Variants in DAP observed in about 807,000 individuals in gnomAD.
The protein encoded by DAP is death associated protein.
A neutral mutation model predicts 13.8 loss-of-function variants in DAP; 8 were observed. That is an observed-to-expected ratio of 0.58 (90% CI 0.34 to 1.05). DAP has a LOEUF of 1.05. Among genes scored for constraint, DAP ranks in the 50% least tolerant of loss-of-function variants. DAP has a pLI of 0.03. For missense variants in DAP, 106 were observed against 133.2 expected (o/e 0.80, Z 1.01); for synonymous variants, 47 against 47.5 (o/e 0.99, Z 0.04).
At chr5:10,751,140 T>C (rs1740036092) in intron 1 of DAP, among the ~76,000 whole-genome samples, 1 of 152,136 alleles carries the variant, frequency 6.6e-6, no homozygotes, top group African/African-American at 2.4e-5. Context: ...CATCCAACCT[T>C]GGCTACTCCC....
intron 2 of DAP, among the ~76,000 whole-genome samples, chr5:10,713,234 T>G (rs767473990): frequency 6.6e-6 from 1 of 152,234 alleles, no homozygotes; most frequent in African/African-American, 2.4e-5. Context: ...CAACCTAACA[T>G]TGGAATCGAA....
At chr5:10,734,824 T>C (rs1345120149) in intron 2 of DAP, among the ~76,000 whole-genome samples, 1 of 152,202 alleles carries the variant, frequency 6.6e-6, no homozygotes, top group Non-Finnish European at 1.5e-5. Flanking sequence ...GCTGGGAAAA[T>C]GAGCTAAACA....
chr5:10,684,008 G>C (rs1738097544), intron 2 of DAP, among the ~76,000 whole-genome samples: 1 of 152,134 alleles, frequency 6.6e-6, no homozygotes, highest in Non-Finnish European at 1.5e-5. Flanking sequence ...TATTTTTGTA[G>C]AGACAGGGTC....
At chr5:10,724,093 A>C (rs927411561) in intron 2 of DAP, among the ~76,000 whole-genome samples, 26 of 152,378 alleles carry the variant, frequency 1.7e-4, no homozygotes, top group Non-Finnish European at 3.1e-4. Context: ...ATGTTATACA[A>C]TAATTTCTGG....
chr5:10,688,618 C>A (rs1216541138), intron 2 of DAP, among the ~76,000 whole-genome samples: 1 of 151,932 alleles, frequency 6.6e-6, no homozygotes, highest in African/African-American at 2.4e-5. Context: ...AAGTTAAAAT[C>A]ACTTGTACTT....
At chr5:10,697,818 C>A (rs1353746962) in intron 2 of DAP, among the ~76,000 whole-genome samples, 2 of 152,184 alleles carry the variant, frequency 1.3e-5, no homozygotes, top group East Asian at 3.9e-4. Context: ...AGGTGGCTGA[C>A]CTTAAATGGG....
At chr5:10,687,744 T>C (rs901590312) in intron 2 of DAP, among the ~76,000 whole-genome samples, 3 of 152,186 alleles carry the variant, frequency 2.0e-5, no homozygotes, top group African/African-American at 2.4e-5. Flanking sequence ...ATAAACTTAA[T>C]TGATAAAGCA....
intron 1 of DAP, among the ~76,000 whole-genome samples, chr5:10,751,851 G>C (rs1740054997): frequency 6.6e-6 from 1 of 152,196 alleles, no homozygotes; most frequent in African/African-American, 2.4e-5. Context: ...CCAACACCTT[G>C]ATCTTGGACT....
Position 10,681,130 on chromosome 5 carries a change from G to T in DAP, c.235C>A (p.His79Asn). 1 of 1,549,576 alleles carries T rather than the reference G, an allele frequency of 6.5e-7. No homozygotes were observed. Among genetic ancestry groups the T allele is most frequent in the Non-Finnish European group, 8.7e-7 (1 of 1,150,240 alleles). Reference sequence around the variant, plus strand: ...TCCATGGAGGCATGCGGCTTCTGGTGAGCCACCTGCGCAGCCGCCGGGGGG... The same window carrying T: ...TCCATGGAGGCATGCGGCTTCTGGTTAGCCACCTGCGCAGCCGCCGGGGGG... ...DFPPAAAQVA[H>N]QKPHASMDKH... Residue 79 changes from histidine to asparagine, a missense_variant, in exon 4 of 4, where the codon CAC becomes AAC. By Grantham distance (68) the His-to-Asn change is moderately conservative. Transcript: ENST00000230895.
chr5:10,684,646 T>A (rs550846934), intron 2 of DAP, among the ~76,000 whole-genome samples: 1 of 152,370 alleles, frequency 6.6e-6, no homozygotes, highest in East Asian at 1.9e-4. Flanking sequence ...TACTGTTTTG[T>A]AATCTGCCTT....
At chr5:10,756,516 A>C (rs1740186559) in intron 1 of DAP, among the ~76,000 whole-genome samples, 1 of 152,268 alleles carries the variant, frequency 6.6e-6, no homozygotes, top group Non-Finnish European at 1.5e-5. Context: ...AGTTACTAAA[A>C]AAAGTAACAT....
At chr5:10,698,282 C>CCA (rs1553999605) in intron 2 of DAP, among the ~76,000 whole-genome samples, 4 of 42,904 alleles carry the variant, frequency 9.3e-5, no homozygotes, top group African/African-American at 3.1e-4. Context: ...CCAGACTTAG[C>CCA]AAAAAAAAAA....
At chr5:10,694,811 G>A (rs563452806) in intron 2 of DAP, among the ~76,000 whole-genome samples, 2 of 152,120 alleles carry the variant, frequency 1.3e-5, no homozygotes, top group Admixed American at 6.5e-5. Context: ...CAGCACATGC[G>A]CTCATTGACC....
At chr5:10,710,391 C>T (rs575633445) in intron 2 of DAP, among the ~76,000 whole-genome samples, 1 of 152,226 alleles carries the variant, frequency 6.6e-6, no homozygotes, top group East Asian at 1.9e-4. Context: ...GGTTTAGCTC[C>T]TGTTCTCTGT....
At chr5:10,750,672 C>T (rs977251001) in intron 1 of DAP, among the ~76,000 whole-genome samples, 28 of 152,126 alleles carry the variant, frequency 1.8e-4, no homozygotes, top group African/African-American at 6.5e-4. Context: ...CGTTCAATTC[C>T]TTTATATATT....
At chr5:10,691,419 T>C (rs2126639193) in intron 2 of DAP, among the ~76,000 whole-genome samples, 1 of 152,360 alleles carries the variant, frequency 6.6e-6, no homozygotes, top group East Asian at 1.9e-4. Flanking sequence ...ACTAAACTCT[T>C]TGAGATGTGG....
At chr5:10,741,957 T>C (rs910406675) in intron 2 of DAP, among the ~76,000 whole-genome samples, 2 of 152,232 alleles carry the variant, frequency 1.3e-5, no homozygotes, top group African/African-American at 4.8e-5. Context: ...AATAGATATA[T>C]TGGGGAAGAT....
intron 2 of DAP, among the ~76,000 whole-genome samples, chr5:10,730,124 A>G (rs1397689969): frequency 1.2e-4 from 19 of 152,224 alleles, no homozygotes; most frequent in Admixed American, 1.2e-3. Context: ...GCCACAGCTC[A>G]TCTTCAGCTG....
At chr5:10,712,943 C>G (rs528054862) in intron 2 of DAP, among the ~76,000 whole-genome samples, 1 of 152,080 alleles carries the variant, frequency 6.6e-6, no homozygotes, top group Admixed American at 6.5e-5. Flanking sequence ...GAGGGAGAAG[C>G]CTGAGGTGGA....
Sources: gnomAD v4.1 joint callset for allele counts (sites outside exome capture counted in the v4.1 genomes callset) on GRCh38, gnomAD v4.1.1 for gene constraint, MANE v1.5 for transcripts, NCBI Gene and HGNC (gene_info 2026-07-23, HGNC 2026-07-21) for gene names.